NUDCD1: variants seen among roughly 807,000 people sequenced by gnomAD.
NUDCD1 encodes the protein nudC domain-containing protein 1.
Under a neutral mutation model 67.8 loss-of-function variants are expected in NUDCD1, and 60 were observed. The ratio of observed to expected loss-of-function variants is 0.88; its 90% CI spans 0.72 to 1.10. The LOEUF is 1.10. NUDCD1 is among the 50% of genes least tolerant of loss of function. The probability of loss-of-function intolerance (pLI) is 0.00; values close to 1 mark genes in which losing one functional copy is unlikely to be tolerated. For synonymous variants in NUDCD1, 244 were observed against 230.8 expected (o/e 1.06, Z -0.52); for missense variants, 643 against 695.0 (o/e 0.93, Z 0.84).
chr8:109,276,868 G>A (rs1814301802), intron 6 of NUDCD1, among the ~76,000 whole-genome samples: 1 of 152,034 alleles, frequency 6.6e-6, no homozygotes, highest in Non-Finnish European at 1.5e-5. Flanking sequence ...TTGTCATGTT[G>A]GCCAGGCTGA....
At chr8:109,325,804 A>C (rs537123564) in intron 1 of NUDCD1, among the ~76,000 whole-genome samples, 1 of 152,260 alleles carries the variant, frequency 6.6e-6, no homozygotes. Flanking sequence ...AGTTTATAAA[A>C]GAGTACTTAT....
intron 2 of NUDCD1, among the ~76,000 whole-genome samples, chr8:109,309,080 G>A (rs566837604): frequency 1.3e-5 from 2 of 151,874 alleles, no homozygotes; most frequent in Admixed American, 1.3e-4. Flanking sequence ...ACAAGACAGA[G>A]AAAGAGGGAA....
chr8:109,263,413 T>C (rs891135327), intron 8 of NUDCD1, among the ~76,000 whole-genome samples: 1 of 152,186 alleles, frequency 6.6e-6, no homozygotes, highest in African/African-American at 2.4e-5. Flanking sequence ...TCTGGACCCA[T>C]CTGTTTTGCC....
intron 9 of NUDCD1, among the ~76,000 whole-genome samples, chr8:109,243,630 A>G (rs1724117874): frequency 6.6e-6 from 1 of 152,186 alleles, no homozygotes; most frequent in East Asian, 1.9e-4. Flanking sequence ...ACATGACAAA[A>G]TATCTTTAAG....
At chr8:109,244,575 TTTC>T (rs1402018797) in intron 9 of NUDCD1, among the ~76,000 whole-genome samples, 1 of 152,146 alleles carries the variant, frequency 6.6e-6, no homozygotes, top group Non-Finnish European at 1.5e-5. Flanking sequence ...AATTAATAAA[TTTC>T]TTCTACAATT....
chr8:109,320,019 T>C (rs1815495858), intron 2 of NUDCD1, among the ~76,000 whole-genome samples: 1 of 152,116 alleles, frequency 6.6e-6, no homozygotes, highest in South Asian at 2.1e-4. Flanking sequence ...CGAATAGGTG[T>C]GGGTCACAGA....
chr8:109,266,708 T>C (rs1814009998), intron 8 of NUDCD1, among the ~76,000 whole-genome samples: 1 of 152,170 alleles, frequency 6.6e-6, no homozygotes, highest in African/African-American at 2.4e-5. Flanking sequence ...GAAGTAAAAA[T>C]AATTCATCTT....
At chr8:109,303,952 T>G (rs1259966658) in intron 2 of NUDCD1, among the ~76,000 whole-genome samples, 1 of 152,132 alleles carries the variant, frequency 6.6e-6, no homozygotes. Context: ...GATCTGCGCC[T>G]TATCAACCAC....
chr8:109,323,879 G>A (rs1416208782), intron 1 of NUDCD1, among the ~76,000 whole-genome samples: 1 of 151,976 alleles, frequency 6.6e-6, no homozygotes, highest in East Asian at 1.9e-4. Context: ...GATATCCATA[G>A]CAGAAAAATA....
At chr8:109,300,367 A>G (rs1348312090) in intron 2 of NUDCD1, among the ~76,000 whole-genome samples, 1 of 152,186 alleles carries the variant, frequency 6.6e-6, no homozygotes, top group African/African-American at 2.4e-5. Flanking sequence ...ACAAGAAGTG[A>G]AAGGGGAAAT....
In NUDCD1 at chr8:109,262,055, C is replaced by T. The variant is rs147630838; in HGVS notation, c.1299+8950G>A. On this transcript the variant is annotated intron_variant, in intron 8 of 9. Coordinates refer to ENST00000239690, the MANE Select transcript of NUDCD1 (RefSeq NM_032869.4). ...TCTTTCAGTTATCAAACTACAAGGG[C>T]AAGAAAAGACTACTCACTTCAGCCA... Among the ~76,000 whole-genome samples, 528 of 152,206 alleles carry T rather than the reference C, an allele frequency of 3.5e-3. 4 individuals are homozygous for T. In the South Asian group the frequency reaches 0.036, roughly 10 times the overall value.
At position 109,311,559 on chromosome 8, in the gene NUDCD1, G is replaced by GTATATATATATATATATATATATA. The variant is rs1554617136; in HGVS notation, c.273+10749_273+10750insTATATATATATATATATATATATA. Among the ~76,000 whole-genome samples, 164 of 125,134 alleles carry GTATATATATATATATATATATATA rather than the reference G, an allele frequency of 1.3e-3. 5 individuals carry two copies. The highest frequency in any genetic ancestry group is 5.2e-3 in the African/African-American group (149 of 28,726). The allele number at this position is 125,134 out of a possible 152,430, so 82.1% of individuals were successfully genotyped here. A position where few individuals can be genotyped will look rare whatever the true frequency, so the allele number is the denominator to read the frequency against. On this transcript the variant is annotated intron_variant, in intron 2 of 9. Coordinates refer to ENST00000239690, the MANE Select transcript of NUDCD1 (RefSeq NM_032869.4). Reference sequence around the variant, plus strand: ...AATGAGTGGATAAAGAAACTGTGGTGTATATATATATATGATGGGATACTG... The same window carrying GTATATATATATATATATATATATA: ...AATGAGTGGATAAAGAAACTGTGGTGTATATATATATATATATATATATATATATATATATATGATGGGATACTG...
At chr8:109,287,521 T>G in intron 5 of NUDCD1, among the ~76,000 whole-genome samples, 1 of 152,090 alleles carries the variant, frequency 6.6e-6, no homozygotes, top group East Asian at 1.9e-4. Context: ...CATTATCCTA[T>G]GCAGATTAGT....
chr8:109,323,088 C>G (rs1056092471), intron 1 of NUDCD1, among the ~76,000 whole-genome samples: 2 of 152,162 alleles, frequency 1.3e-5, no homozygotes, highest in African/African-American at 4.8e-5. Context: ...AGGTTTAAAT[C>G]TAGCAAATGT....
chr8:109,293,547 C>A (rs750620714), intron 3 of NUDCD1, 23 bp from the exon 4 acceptor site: 10 of 1,348,064 alleles, frequency 7.4e-6, no homozygotes, highest in Admixed American at 7.4e-5. Flanking sequence ...ATTACACACA[C>A]AAAAAAGTGT....
chr8:109,322,306 T>C lies in NUDCD1; in HGVS notation c.273+3A>G. The C allele has an allele frequency of 6.8e-7, 1 of 1,469,140 alleles. No homozygotes were observed. The highest frequency in any genetic ancestry group is 9.4e-7 in the Non-Finnish European group (1 of 1,062,668). 91.0% of individuals were successfully genotyped at this position (1,469,140 alleles called of 1,614,324 possible). A position where few individuals can be genotyped will look rare whatever the true frequency, so the allele number is the denominator to read the frequency against. Reference sequence around the variant, plus strand: ...TTAATTATTACATACATGTTTCTCTTACCAGCATTACTGTTAAATTCATAA... The same window carrying C: ...TTAATTATTACATACATGTTTCTCTCACCAGCATTACTGTTAAATTCATAA... On this transcript the variant is annotated splice_donor_region_variant and intron_variant, in intron 2 of 9. Coordinates refer to ENST00000239690, the MANE Select transcript of NUDCD1 (RefSeq NM_032869.4).
At chr8:109,283,465 G>T (rs980076960) in intron 5 of NUDCD1, among the ~76,000 whole-genome samples, 2 of 152,070 alleles carry the variant, frequency 1.3e-5, no homozygotes, top group Admixed American at 6.5e-5. Context: ...TATACAAAAT[G>T]AAGATCACCA....
intron 2 of NUDCD1, among the ~76,000 whole-genome samples, 194 bp from the exon 3 acceptor site, chr8:109,296,763 T>C (rs1282734733): frequency 6.6e-6 from 1 of 152,172 alleles, no homozygotes; most frequent in Non-Finnish European, 1.5e-5. Context: ...GCATATGACT[T>C]CTAGAACTAG....
chr8:109,301,341 T>G (rs952271630), intron 2 of NUDCD1, among the ~76,000 whole-genome samples: 1 of 152,222 alleles, frequency 6.6e-6, no homozygotes, highest in African/African-American at 2.4e-5. Flanking sequence ...GAATGTACTT[T>G]GTACACCTAT....
Sources: gnomAD v4.1 joint callset for allele counts (sites outside exome capture counted in the v4.1 genomes callset) on GRCh38, gnomAD v4.1.1 for gene constraint, MANE v1.5 for transcripts, NCBI Gene and HGNC (gene_info 2026-07-23, HGNC 2026-07-21) for gene names.